The following SIRPA variants were observed in gnomAD, a reference collection of about 807,000 sequenced individuals.
The protein encoded by SIRPA is signal regulatory protein alpha.
SIRPA carries 9 observed loss-of-function variants against 50.3 expected under a neutral mutation model. The observed-to-expected ratio is 0.18, with a 90% CI of 0.11 to 0.31. The LOEUF is 0.31. Among genes scored for constraint, SIRPA ranks in the 10% least tolerant of loss-of-function variants. The pLI, the probability that SIRPA is intolerant of heterozygous loss-of-function variation, is 1.00. For missense variants in SIRPA, 474 were observed against 661.6 expected (o/e 0.72, Z 3.11); for synonymous variants, 265 against 284.1 (o/e 0.93, Z 0.68).
chr20:1,918,852 G>A lies in SIRPA; in HGVS notation c.437-2543G>A, dbSNP rs560753175. ...GGGTTATCACTGAGCTCCTGCAGAAGTGTGGTTAGGAGAGTGTGGCCAGAG... is the reference window on the plus strand; with the variant it reads ...GGGTTATCACTGAGCTCCTGCAGAAATGTGGTTAGGAGAGTGTGGCCAGAG... On this transcript the variant is annotated intron_variant, in intron 2 of 7. Transcript: ENST00000358771. Among the ~76,000 whole-genome samples, 184 of 152,302 alleles carry A rather than the reference G, an allele frequency of 1.2e-3. 1 individual carries two copies. Among genetic ancestry groups the A allele is most frequent in the Middle Eastern group, 3.4e-3 (1 of 294 alleles).
In SIRPA at chr20:1,924,714, TTC is replaced by T. The variant is rs769859452; in HGVS notation, c.1088-48_1088-47del. The T allele has an allele frequency of 4.0e-6, 6 of 1,517,408 alleles. No homozygotes were observed. The highest frequency in any genetic ancestry group is 4.6e-6 in the Non-Finnish European group (5 of 1,094,082). The allele number at this position is 1,517,408 out of a possible 1,614,324, so 94.0% of individuals were successfully genotyped here. On this transcript the variant is annotated intron_variant, in intron 4 of 7. Transcript: ENST00000358771. The surrounding 1 kb of genome is among the most constrained non-coding windows in gnomAD (Gnocchi z 4.5). ...GTGAAAAGCAGTGGTGGGTTTGGTTTTCTGTTTTTAATCTGCATACGTGAAGC... is the reference window on the plus strand; with the variant it reads ...GTGAAAAGCAGTGGTGGGTTTGGTTTTGTTTTTAATCTGCATACGTGAAGC...
chr20:1,933,992 AAGG>A lies in SIRPA; in HGVS notation c.1227-720_1227-718del, dbSNP rs1986435388. Among the ~76,000 whole-genome samples the A allele has an allele frequency of 6.6e-6, 1 of 152,336 alleles. No individual in the cohort carries two copies. The highest frequency in any genetic ancestry group is 2.1e-4 in the South Asian group (1 of 4,828). On this transcript the variant is annotated intron_variant, in intron 6 of 7. Transcript: ENST00000358771. The surrounding 1 kb of genome is among the most constrained non-coding windows in gnomAD (Gnocchi z 4.4). ...CATTTGGAGAATATGGGAAACTAAA[AAGG>A]AGAAAAAAAATACCATGCAAAGACC...
chr20:1,940,201 G>C lies in SIRPA; in HGVS notation c.*2633G>C, dbSNP rs1007480302. 1 of 152,168 alleles carries C rather than the reference G, an allele frequency of 6.6e-6. No homozygotes were observed. Among genetic ancestry groups the C allele is most frequent in the Non-Finnish European group, 1.5e-5 (1 of 68,044 alleles). 9.4% of individuals were successfully genotyped at this position (152,168 alleles called of 1,614,324 possible). Reference sequence around the variant, plus strand: ...CTCTTTGAGACTTGGGCCCCGCGTCGGCACAATGGGGCAGGAATAGTCCCT... The same window carrying C: ...CTCTTTGAGACTTGGGCCCCGCGTCCGCACAATGGGGCAGGAATAGTCCCT... On this transcript the variant is annotated 3_prime_UTR_variant, in exon 8 of 8. Coordinates refer to ENST00000358771, the MANE Select transcript of SIRPA (RefSeq NM_001040023.2).
intron 1 of SIRPA, among the ~76,000 whole-genome samples, chr20:1,903,946 A>ACTCAC (rs1568494667): frequency 6.6e-6 from 1 of 151,970 alleles, no homozygotes; most frequent in Non-Finnish European, 1.5e-5. Flanking sequence ...TATGTCTCTT[A>ACTCAC]CTCACTGTTG....
At chr20:1,926,724 C>T (rs1278137167) in intron 5 of SIRPA, among the ~76,000 whole-genome samples, 1 of 152,186 alleles carries the variant, frequency 6.6e-6, no homozygotes, top group Middle Eastern at 3.2e-3. Flanking sequence ...AGTTATAAAA[C>T]TTGTTCAGGG....
At chr20:1,904,013 T>C (rs1045465368) in intron 1 of SIRPA, among the ~76,000 whole-genome samples, 4 of 152,100 alleles carry the variant, frequency 2.6e-5, no homozygotes, top group Non-Finnish European at 5.9e-5. Flanking sequence ...TAATAGATAC[T>C]GATTGAATGA....
At position 1,940,272 on chromosome 20, in the gene SIRPA, C is replaced by G. The variant is rs1986797063; in HGVS notation, c.*2704C>G. On this transcript the variant is annotated 3_prime_UTR_variant, in exon 8 of 8. Coordinates refer to ENST00000358771, the MANE Select transcript of SIRPA (RefSeq NM_001040023.2). ...TCAAGGAGGTTGGAAGCACTGAGCC[C>G]ACGCTTGGCACTGGGTAGGCCATCA... 6.6e-6 allele frequency: 1 copy of G among 152,204 alleles called. No individual in the cohort carries two copies. Among genetic ancestry groups the G allele is most frequent in the Non-Finnish European group, 1.5e-5 (1 of 68,064 alleles). 9.4% of individuals were successfully genotyped at this position (152,204 alleles called of 1,614,324 possible). A position where few individuals can be genotyped will look rare whatever the true frequency, so the allele number is the denominator to read the frequency against.
Position 1,932,325 on chromosome 20 carries a change from G to A in SIRPA, c.1227-2390G>A, listed in dbSNP as rs1986341103. Among the ~76,000 whole-genome samples, 1 of 152,188 alleles carries A rather than the reference G, an allele frequency of 6.6e-6. No homozygotes were observed. The highest frequency in any genetic ancestry group is 1.9e-4 in the East Asian group (1 of 5,198). ...GTGGGGTCTGGGGCGAGCAGGGAGGGCTTGTCTGCAAGGTGACATTTAGAA... is the reference window on the plus strand; with the variant it reads ...GTGGGGTCTGGGGCGAGCAGGGAGGACTTGTCTGCAAGGTGACATTTAGAA... On this transcript the variant is annotated intron_variant, in intron 6 of 7. Transcript: ENST00000358771. This position sits in a 1 kb window ranked among gnomAD's most constrained non-coding sequence, Gnocchi z 6.0.
At chr20:1,905,846 C>T (rs552761277) in intron 1 of SIRPA, among the ~76,000 whole-genome samples, 31 of 152,352 alleles carry the variant, frequency 2.0e-4, no homozygotes, top group Admixed American at 7.2e-4. Flanking sequence ...CATCTGAACC[C>T]AGCAAATGCT....
At position 1,927,939 on chromosome 20, in the gene SIRPA, T is replaced by G. The variant is rs372960646; in HGVS notation, c.1226+40T>G. The stretch of plus-strand genomic sequence containing the variant: ...GGTCCAGACCCTCTTGCAGTTATTA[T>G]TTGGTTATTTGACAGCCCCCCAGAC... On this transcript the variant is annotated intron_variant, in intron 6 of 7. Coordinates refer to ENST00000358771, the MANE Select transcript of SIRPA (RefSeq NM_001040023.2). This position sits in a 1 kb window ranked among gnomAD's most constrained non-coding sequence, Gnocchi z 6.5. 6.3e-7 allele frequency: 1 copy of G among 1,581,036 alleles called. No individual in the cohort carries two copies. The highest frequency in any genetic ancestry group is 1.1e-5 in the South Asian group (1 of 90,406).
intron 1 of SIRPA, among the ~76,000 whole-genome samples, chr20:1,905,442 T>G (rs1326736906): frequency 1.3e-5 from 2 of 152,234 alleles, no homozygotes; most frequent in Non-Finnish European, 2.9e-5. Flanking sequence ...CCTGCCACTC[T>G]GGGCCAGGAT....
intron 1 of SIRPA, among the ~76,000 whole-genome samples, chr20:1,908,683 T>C (rs1568497295): frequency 2.0e-5 from 3 of 152,218 alleles, no homozygotes; most frequent in Non-Finnish European, 4.4e-5. Flanking sequence ...TGCATACTCT[T>C]ATGCACCCTC....
At chr20:1,919,521 G>A (rs987313601) in intron 2 of SIRPA, among the ~76,000 whole-genome samples, 2 of 152,172 alleles carry the variant, frequency 1.3e-5, no homozygotes, top group African/African-American at 2.4e-5. Context: ...GGGGGCCAAG[G>A]TAGGGGCCCC....
Position 1,924,727 on chromosome 20 carries a change from C to T in SIRPA, c.1088-37C>T. On this transcript the variant is annotated intron_variant, in intron 4 of 7. Transcript: ENST00000358771. This position sits in a 1 kb window ranked among gnomAD's most constrained non-coding sequence, Gnocchi z 4.5. ...GTGGGTTTGGTTTTCTGTTTTTAATCTGCATACGTGAAGCCTCTATTCCAT... is the reference window on the plus strand; with the variant it reads ...GTGGGTTTGGTTTTCTGTTTTTAATTTGCATACGTGAAGCCTCTATTCCAT... 1 of 1,561,350 alleles carries T rather than the reference C, an allele frequency of 6.4e-7. No individual in the cohort carries two copies. Among genetic ancestry groups the T allele is most frequent in the Admixed American group, 1.7e-5 (1 of 59,884 alleles).
rs2235747 is a variant in SIRPA at position 1,937,659 on chromosome 20, G to A, written c.*91G>A. 0.12 allele frequency: 183,701 copies of A among 1,521,448 alleles called. 15,913 individuals are homozygous for A. The highest frequency in any genetic ancestry group is 0.44 in the East Asian group (19,397 of 43,874). The allele number at this position is 1,521,448 out of a possible 1,614,324, so 94.2% of individuals were successfully genotyped here. A position where few individuals can be genotyped will look rare whatever the true frequency, so the allele number is the denominator to read the frequency against. ...GATGAGCACAGCCAACCCAGTTCCCGGAGGGCTGGGGCGGTGCAGGCTCTG... is the reference window on the plus strand; with the variant it reads ...GATGAGCACAGCCAACCCAGTTCCCAGAGGGCTGGGGCGGTGCAGGCTCTG... On this transcript the variant is annotated 3_prime_UTR_variant, in exon 8 of 8. Coordinates refer to ENST00000358771, the MANE Select transcript of SIRPA (RefSeq NM_001040023.2). This position sits in a 1 kb window ranked among gnomAD's most constrained non-coding sequence, Gnocchi z 8.3.
chr20:1,917,887 T>G (rs894267385), intron 2 of SIRPA, among the ~76,000 whole-genome samples: 2 of 152,058 alleles, frequency 1.3e-5, no homozygotes, highest in African/African-American at 4.8e-5. Flanking sequence ...GGGAGGCTTC[T>G]CCCTAGAACT....
At position 1,933,401 on chromosome 20, in the gene SIRPA, A is replaced by C. The variant is rs867151824; in HGVS notation, c.1227-1314A>C. On this transcript the variant is annotated intron_variant, in intron 6 of 7. Transcript: ENST00000358771. This position sits in a 1 kb window ranked among gnomAD's most constrained non-coding sequence, Gnocchi z 4.4. ...CATGAAGTACATAACATCAAATGCC[A>C]CCCCCCCCCCGAAATATCTGGTGGG... is the stretch of plus-strand genomic sequence containing the variant. Among the ~76,000 whole-genome samples, 336 of 139,538 alleles carry C rather than the reference A, an allele frequency of 2.4e-3. No homozygotes were observed. Among genetic ancestry groups the C allele is most frequent in the Middle Eastern group, 3.7e-3 (1 of 270 alleles). 91.5% of individuals were successfully genotyped at this position (139,538 alleles called of 152,430 possible).
At chr20:1,900,801 A>G (rs1984145530) in intron 1 of SIRPA, among the ~76,000 whole-genome samples, 1 of 152,238 alleles carries the variant, frequency 6.6e-6, no homozygotes, top group South Asian at 2.1e-4. Flanking sequence ...ACACTAAAGT[A>G]ATACTAATAG....
intron 2 of SIRPA, among the ~76,000 whole-genome samples, chr20:1,919,842 T>A (rs954905767): frequency 5.3e-5 from 8 of 152,166 alleles, no homozygotes; most frequent in Admixed American, 1.3e-4. Context: ...TGGTTTCTGC[T>A]CCTTGTATCA....
Sources: gnomAD v4.1 joint callset for allele counts (sites outside exome capture counted in the v4.1 genomes callset) on GRCh38, gnomAD v4.1.1 for gene constraint, Gnocchi (gnomAD v3.1) non-coding constraint, MANE v1.5 for transcripts, NCBI Gene and HGNC (gene_info 2026-07-23, HGNC 2026-07-21) for gene names.